TIPRL: variants seen among roughly 807,000 people sequenced by gnomAD.
The protein encoded by TIPRL is TOR signaling pathway regulator.
TIPRL carries 10 observed loss-of-function variants against 32.3 expected under a neutral mutation model. The observed-to-expected ratio is 0.31, with a 90% CI of 0.19 to 0.52. The LOEUF (loss-of-function observed/expected upper bound fraction) is 0.52. Among genes scored for constraint, TIPRL ranks in the 20% least tolerant of loss-of-function variants. The pLI, the probability that TIPRL is intolerant of heterozygous loss-of-function variation, is 0.96. For synonymous variants in TIPRL, 100 were observed against 114.0 expected (o/e 0.88, Z 0.78); for missense variants, 250 against 328.1 (o/e 0.76, Z 1.84).
Position 168,201,769 on chromosome 1 carries a change from TC to T in TIPRL, c.*1724del, listed in dbSNP as rs1488451335. ...CATTAATTGGAGCTTCTGGGCAACA[TC>T]GTGTGTGTGTGTGTGTGTGTGTGTG... On this transcript the variant is annotated 3_prime_UTR_variant, in exon 7 of 7. Transcript: ENST00000367833. 9.1e-6 allele frequency: 1 copy of T among 109,848 alleles called. No homozygotes were observed. The allele number at this position is 109,848 out of a possible 1,614,324, so 6.8% of individuals were successfully genotyped here.
intron 4 of TIPRL, among the ~76,000 whole-genome samples, chr1:168,191,858 C>CAAAAAAAAAAA (rs60988834): frequency 7.7e-5 from 3 of 38,902 alleles, no homozygotes; most frequent in African/African-American, 1.6e-4. Flanking sequence ...GGCGACAGAG[C>CAAAAAAAAAAA]AAAAAAAAAA....
chr1:168,182,320 G>A (rs1699976194), intron 1 of TIPRL, among the ~76,000 whole-genome samples: 1 of 151,810 alleles, frequency 6.6e-6, no homozygotes, highest in Non-Finnish European at 1.5e-5. Context: ...GAAGCTTGAT[G>A]ATGTTAGAAA....
Position 168,184,018 on chromosome 1 carries a change from G to A in TIPRL, c.221G>A (p.Arg74Lys), listed in dbSNP as rs1558162349. ...GAGTTCAATGCTACAGATGCGTTAA[G>A]ATGTGTAAACAACTACCAAGGAATG... ...GIEFNATDAL[R>K]CVNNYQGMLK... The change falls in exon 2 of 7, where the codon AGA becomes AAA. Residue 74 changes from arginine to lysine, a missense_variant. Coordinates refer to ENST00000367833, the MANE Select transcript of TIPRL (RefSeq NM_152902.5). 1 of 1,614,152 alleles carries A rather than the reference G, an allele frequency of 6.2e-7. No homozygotes were observed. The highest frequency in any genetic ancestry group is 8.5e-7 in the Non-Finnish European group (1 of 1,179,990).
At chr1:168,184,202 T>C (rs1700001481) in intron 2 of TIPRL, 121 bp downstream of exon 2, 2 of 945,430 alleles carry the variant, frequency 2.1e-6, no homozygotes, top group East Asian at 2.7e-5. Flanking sequence ...GCTGGTATTA[T>C]TAAACTTGAG....
chr1:168,189,646 A>G (rs1700067733), intron 3 of TIPRL, among the ~76,000 whole-genome samples: 1 of 152,100 alleles, frequency 6.6e-6, no homozygotes, highest in Admixed American at 6.6e-5. Context: ...CGCCCAGCCC[A>G]TATGTTTTAT....
Position 168,183,883 on chromosome 1 carries a change from G to T in TIPRL, c.105-19G>T. On this transcript the variant is annotated intron_variant, in intron 1 of 6. Coordinates refer to ENST00000367833, the MANE Select transcript of TIPRL (RefSeq NM_152902.5). ...ACAGCGATATAAAATTATCTCACCC[G>T]ACTTTTGGTTACGTATAGATTAGCC... 6.3e-7 allele frequency: 1 copy of T among 1,594,400 alleles called. No homozygotes were observed. The highest frequency in any genetic ancestry group is 1.1e-5 in the South Asian group (1 of 89,732).
In TIPRL at chr1:168,200,660, G is replaced by C. The variant is rs1212726964; in HGVS notation, c.*614G>C. 6.6e-6 allele frequency: 1 copy of C among 151,936 alleles called. No individual in the cohort carries two copies. Among genetic ancestry groups the C allele is most frequent in the Non-Finnish European group, 1.5e-5 (1 of 67,990 alleles). 9.4% of individuals were successfully genotyped at this position (151,936 alleles called of 1,614,324 possible). ...CAGAACCAAAAATACCTAGATTTTTGGAGAACTTATTACATACATAGAAAC... is the reference window on the plus strand; with the variant it reads ...CAGAACCAAAAATACCTAGATTTTTCGAGAACTTATTACATACATAGAAAC... On this transcript the variant is annotated 3_prime_UTR_variant, in exon 7 of 7. Transcript: ENST00000367833.
chr1:168,200,178 AT>A lies in TIPRL; in HGVS notation c.*133del, dbSNP rs1293467518. 1 of 993,980 alleles carries A rather than the reference AT, an allele frequency of 1.0e-6. No individual in the cohort carries two copies. Among genetic ancestry groups the A allele is most frequent in the African/African-American group, 1.7e-5 (1 of 59,720 alleles). 61.6% of individuals were successfully genotyped at this position (993,980 alleles called of 1,614,324 possible). On this transcript the variant is annotated 3_prime_UTR_variant, in exon 7 of 7. Transcript: ENST00000367833. ...TTCTGTAGCCTTAAAGGAAAAAAAA[AT>A]AAAGATCGTTACAGGCAGGTTTCAC...
At chr1:168,183,788 T>G (rs190885462) in intron 1 of TIPRL, 114 bp from the exon 2 acceptor site, 208 of 1,069,224 alleles carry the variant, frequency 1.9e-4, no homozygotes, top group Admixed American at 1.1e-3. Context: ...ATTGATTAAA[T>G]CATGTGCTGT....
chr1:168,186,953 T>C (rs1700034662), intron 3 of TIPRL, among the ~76,000 whole-genome samples: 1 of 152,258 alleles, frequency 6.6e-6, no homozygotes, highest in African/African-American at 2.4e-5. Context: ...TAAAAGTTCA[T>C]AGCAGGAACT....
At position 168,183,829 on chromosome 1, in the gene TIPRL, G is replaced by A. The variant is rs1699995670; in HGVS notation, c.105-73G>A. 12 of 1,481,954 alleles carry A rather than the reference G, an allele frequency of 8.1e-6. No homozygotes were observed. In the South Asian group the frequency reaches 1.2e-4, roughly 15 times the overall value. The allele number at this position is 1,481,954 out of a possible 1,614,324, so 91.8% of individuals were successfully genotyped here. On this transcript the variant is annotated intron_variant, in intron 1 of 6. Transcript: ENST00000367833. ...TCATTCAGCAAGTAGGAAGAATTCT[G>A]TTGGGATGGAAAAGAAACAAAAATG...
intron 1 of TIPRL, among the ~76,000 whole-genome samples, chr1:168,181,520 A>G (rs774138752): frequency 4.0e-5 from 6 of 151,148 alleles, no homozygotes; most frequent in Non-Finnish European, 7.4e-5. Flanking sequence ...CCTCCTCTCC[A>G]TATAACTTTC....
At chr1:168,197,665 G>A (rs1346851889) in intron 5 of TIPRL, among the ~76,000 whole-genome samples, 1 of 151,882 alleles carries the variant, frequency 6.6e-6, no homozygotes, top group Non-Finnish European at 1.5e-5. Flanking sequence ...GATTACAGGC[G>A]CCCACCACCA....
intron 1 of TIPRL, among the ~76,000 whole-genome samples, chr1:168,179,923 G>T (rs1699939634): frequency 6.6e-6 from 1 of 152,118 alleles, no homozygotes; most frequent in African/African-American, 2.4e-5. Flanking sequence ...TTAAAGAGCT[G>T]TGTCCGTGTG....
At chr1:168,194,719 C>T (rs2102312346) in intron 4 of TIPRL, among the ~76,000 whole-genome samples, 1 of 152,234 alleles carries the variant, frequency 6.6e-6, no homozygotes, top group African/African-American at 2.4e-5. Flanking sequence ...TCAGAATACA[C>T]TTTGGCTCAG....
chr1:168,190,036 CAAAT>C lies in TIPRL; in HGVS notation c.385-1329_385-1326del, dbSNP rs542233926. Reference sequence around the variant, plus strand: ...AAAATGTGTTCCTCTGAACTAAAATCAAATAAAAAGGACGAAATTTACAAGTGTG... The same window carrying C: ...AAAATGTGTTCCTCTGAACTAAAATCAAAAAGGACGAAATTTACAAGTGTG... On this transcript the variant is annotated intron_variant, in intron 3 of 6. Coordinates refer to ENST00000367833, the MANE Select transcript of TIPRL (RefSeq NM_152902.5). Among the ~76,000 whole-genome samples, 5 of 152,244 alleles carry C rather than the reference CAAAT, an allele frequency of 3.3e-5. No individual in the cohort carries two copies. The East Asian group carries it at 9.6e-4, about 29-fold the overall frequency.
intron 3 of TIPRL, among the ~76,000 whole-genome samples, chr1:168,187,730 A>G (rs1352632316): frequency 6.6e-6 from 1 of 152,186 alleles, no homozygotes; most frequent in Non-Finnish European, 1.5e-5. Context: ...TAGTCCCAGC[A>G]CTTTGGGAGG....
intron 6 of TIPRL, 56 bp from the exon 7 acceptor site, chr1:168,199,847 G>A (rs1044964291): frequency 6.5e-7 from 1 of 1,540,348 alleles, no homozygotes; most frequent in Admixed American, 2.0e-5. Context: ...CAAAACATTT[G>A]TAAAAAATTT....
chr1:168,189,636 C>T (rs1367409691), intron 3 of TIPRL, among the ~76,000 whole-genome samples: 7 of 152,254 alleles, frequency 4.6e-5, no homozygotes, highest in Middle Eastern at 6.8e-3. Flanking sequence ...TAAGCCACCG[C>T]GCCCAGCCCA....
Sources: gnomAD v4.1 joint callset for allele counts (sites outside exome capture counted in the v4.1 genomes callset) on GRCh38, gnomAD v4.1.1 for gene constraint, MANE v1.5 for transcripts, NCBI Gene and HGNC (gene_info 2026-07-23, HGNC 2026-07-21) for gene names.